TGFBRAP1: variants seen among roughly 807,000 people sequenced by gnomAD.
The protein encoded by TGFBRAP1 is transforming growth factor-beta receptor-associated protein 1.
Under a neutral mutation model 83.2 loss-of-function variants are expected in TGFBRAP1, and 20 were observed. That is an observed-to-expected ratio of 0.24 (90% CI 0.17 to 0.35). TGFBRAP1 has a LOEUF of 0.35. Ranked by LOEUF, TGFBRAP1 falls within the 10% of genes least tolerant of loss-of-function variation. The pLI, the probability that TGFBRAP1 is intolerant of heterozygous loss-of-function variation, is 1.00. For missense variants in TGFBRAP1, 950 were observed against 1,099.4 expected (o/e 0.86, Z 1.92); for synonymous variants, 415 against 459.8 (o/e 0.90, Z 1.25).
intron 2 of TGFBRAP1, among the ~76,000 whole-genome samples, chr2:105,307,084 C>T (rs1573206117): frequency 6.6e-6 from 1 of 152,092 alleles, no homozygotes; most frequent in African/African-American, 2.4e-5. Context: ...AGCGGGAAAA[C>T]TAGACAAAGG....
At chr2:105,254,645 T>G in the TGFBRAP1 span, among the ~76,000 whole-genome samples, 2 of 152,098 alleles carry the variant, frequency 1.3e-5, no homozygotes, top group Non-Finnish European at 2.9e-5. Context: ...GCTTTCTGCC[T>G]GCCAGGCTGG....
chr2:105,273,949 T>G (rs565301621), intron 8 of TGFBRAP1, among the ~76,000 whole-genome samples: 1 of 152,300 alleles, frequency 6.6e-6, no homozygotes, highest in South Asian at 2.1e-4. Flanking sequence ...AAAGCCAGCC[T>G]ATACCCTGAA....
chr2:105,299,965 G>T (rs1028203667), intron 2 of TGFBRAP1, among the ~76,000 whole-genome samples: 12 of 152,190 alleles, frequency 7.9e-5, no homozygotes, highest in African/African-American at 2.4e-4. Flanking sequence ...TGTTTCTGTA[G>T]TGCTGCAGGA....
chr2:105,270,422 C>A lies in TGFBRAP1; in HGVS notation c.1973-717G>T, dbSNP rs74714849. On this transcript the variant is annotated intron_variant, in intron 10 of 11. Coordinates refer to ENST00000393359, the MANE Select transcript of TGFBRAP1 (RefSeq NM_004257.6). ...ATCTGTAACCCCATCTGTAACTTCCCACCCAGCCCGTCTGGAACTGCACCA... is the reference window on the plus strand; with the variant it reads ...ATCTGTAACCCCATCTGTAACTTCCAACCCAGCCCGTCTGGAACTGCACCA... 8.3e-3 allele frequency among the ~76,000 whole-genome samples: 1,259 copies of A among 152,286 alleles called. 19 individuals are homozygous for A. The highest frequency in any genetic ancestry group is 0.029 in the African/African-American group (1,215 of 41,544).
At chr2:105,260,357 T>G (rs1676761210), downstream of TGFBRAP1, among the ~76,000 whole-genome samples, 1 of 152,142 alleles carries the variant, frequency 6.6e-6, no homozygotes, top group Admixed American at 6.6e-5. Context: ...TGCAGTGAAC[T>G]GAGATCTTGC....
At chr2:105,259,432 C>A (rs1237545636), downstream of TGFBRAP1, among the ~76,000 whole-genome samples, 1 of 152,184 alleles carries the variant, frequency 6.6e-6, no homozygotes, top group Non-Finnish European at 1.5e-5. Context: ...TCAGCTTCAG[C>A]AGCTCTCTGC....
intron 10 of TGFBRAP1, among the ~76,000 whole-genome samples, chr2:105,270,733 A>G (rs1573156768): frequency 6.6e-6 from 1 of 152,242 alleles, no homozygotes; most frequent in Non-Finnish European, 1.5e-5. Context: ...ACAATACGCA[A>G]CGCCTTCATC....
chr2:105,322,542 G>C (rs1679098086), intron 1 of TGFBRAP1, among the ~76,000 whole-genome samples: 1 of 152,060 alleles, frequency 6.6e-6, no homozygotes, highest in Non-Finnish European at 1.5e-5. Context: ...ATTTTATACA[G>C]TATTTCTACT....
intron 1 of TGFBRAP1, among the ~76,000 whole-genome samples, chr2:105,317,457 A>G (rs1678921107): frequency 6.6e-6 from 1 of 151,994 alleles, no homozygotes; most frequent in South Asian, 2.1e-4. Context: ...AAAGAAAGCT[A>G]GATTCCTACC....
At chr2:105,296,222 G>T (rs1678084017) in intron 4 of TGFBRAP1, 134 bp downstream of exon 4, 2 of 1,143,086 alleles carry the variant, frequency 1.7e-6, no homozygotes, top group African/African-American at 3.2e-5. Flanking sequence ...TATTTGTTGA[G>T]AAAATTAAAC....
intron 8 of TGFBRAP1, 121 bp downstream of exon 8, chr2:105,275,439 C>CA: frequency 1.4e-6 from 2 of 1,452,432 alleles, no homozygotes; most frequent in Admixed American, 2.7e-5. Flanking sequence ...ATAACAACAA[C>CA]AAAAAACAGA....
intron 1 of TGFBRAP1, among the ~76,000 whole-genome samples, chr2:105,313,066 C>T (rs893042922): frequency 5.3e-5 from 8 of 151,894 alleles, no homozygotes; most frequent in Non-Finnish European, 8.8e-5. Flanking sequence ...GAGCAGAGAT[C>T]GCGCCACTGC....
chr2:105,282,165 C>T (rs983446107), intron 5 of TGFBRAP1, among the ~76,000 whole-genome samples: 1 of 152,218 alleles, frequency 6.6e-6, no homozygotes, highest in African/African-American at 2.4e-5. Context: ...GGCACACATC[C>T]AGTTTCCAAG....
At chr2:105,310,005 C>G (rs1678641155) in intron 1 of TGFBRAP1, among the ~76,000 whole-genome samples, 1 of 152,046 alleles carries the variant, frequency 6.6e-6, no homozygotes, top group Non-Finnish European at 1.5e-5. Context: ...CCTACCATGC[C>G]TTAATCTTGG....
At chr2:105,327,750 T>C (rs374979123) in intron 1 of TGFBRAP1, among the ~76,000 whole-genome samples, 2 of 152,254 alleles carry the variant, frequency 1.3e-5, no homozygotes, top group Non-Finnish European at 2.9e-5. Flanking sequence ...CTGGGATTCC[T>C]GCAGTGGTGA....
intron 4 of TGFBRAP1, among the ~76,000 whole-genome samples, chr2:105,291,303 C>T (rs1677904653): frequency 6.6e-6 from 1 of 152,148 alleles, no homozygotes; most frequent in African/African-American, 2.4e-5. Flanking sequence ...AGCTGGCCAT[C>T]CCCAGACTCC....
At chr2:105,304,661 T>C (rs1295705926) in intron 2 of TGFBRAP1, among the ~76,000 whole-genome samples, 2 of 152,202 alleles carry the variant, frequency 1.3e-5, no homozygotes, top group Non-Finnish European at 2.9e-5. Context: ...CACATGCCTA[T>C]AGTCCCAGCT....
At chr2:105,316,323 G>A (rs1678852474) in intron 1 of TGFBRAP1, among the ~76,000 whole-genome samples, 1 of 144,292 alleles carries the variant, frequency 6.9e-6, no homozygotes, top group Non-Finnish European at 1.5e-5. Flanking sequence ...TTTACTGTAT[G>A]CAAATTATGT....
intron 4 of TGFBRAP1, 77 bp downstream of exon 4, chr2:105,296,279 G>A (rs1001894124): frequency 6.9e-5 from 107 of 1,558,460 alleles, no homozygotes; most frequent in Admixed American, 1.1e-4. Context: ...AGGAAGGGCC[G>A]ATGCATGTTA....
Sources: gnomAD v4.1 joint callset for allele counts (sites outside exome capture counted in the v4.1 genomes callset) on GRCh38, gnomAD v4.1.1 for gene constraint, MANE v1.5 for transcripts, NCBI Gene and HGNC (gene_info 2026-07-23, HGNC 2026-07-21) for gene names.